ADGB: variants seen among roughly 807,000 people sequenced by gnomAD.
ADGB encodes calpain-7-like protein.
In ADGB, 172 loss-of-function variants were observed where a neutral mutation model predicts 210.5. The ratio of observed to expected loss-of-function variants is 0.82; its 90% CI spans 0.72 to 0.93. The LOEUF (loss-of-function observed/expected upper bound fraction) is 0.93, where lower values mean the gene tolerates loss of function less well. Among genes scored for constraint, ADGB ranks in the 40% least tolerant of loss-of-function variants. The probability of loss-of-function intolerance (pLI) is 0.00; values close to 1 mark genes in which losing one functional copy is unlikely to be tolerated. For synonymous variants in ADGB, 658 were observed against 662.7 expected (o/e 0.99, Z 0.11); for missense variants, 2,025 against 1,964.8 (o/e 1.03, Z -0.58).
At position 146,709,181 on chromosome 6, in the gene ADGB, C is replaced by G. The variant is rs1260236767; in HGVS notation, c.1708-6201C>G. On this transcript the variant is annotated intron_variant, in intron 13 of 35. Coordinates refer to ENST00000397944, the MANE Select transcript of ADGB (RefSeq NM_024694.4). Reference sequence around the variant, plus strand: ...GTTCACTGAGTTTCCTTAAAACAATCATTTCACATTCTTTGTCAGGCAGAT... The same window carrying G: ...GTTCACTGAGTTTCCTTAAAACAATGATTTCACATTCTTTGTCAGGCAGAT... Among the ~76,000 whole-genome samples, 13 of 152,286 alleles carry G rather than the reference C, an allele frequency of 8.5e-5. 1 individual carries two copies. The East Asian group carries it at 2.5e-3, about 29-fold the overall frequency.
intron 13 of ADGB, among the ~76,000 whole-genome samples, chr6:146,708,803 C>T (rs1426425729): frequency 6.6e-6 from 1 of 152,050 alleles, no homozygotes; most frequent in African/African-American, 2.4e-5. Context: ...AGTTTCTACT[C>T]CTTTGTCTCT....
At chr6:146,611,752 C>T (rs774957493) in intron 1 of ADGB, among the ~76,000 whole-genome samples, 6 of 152,002 alleles carry the variant, frequency 3.9e-5, no homozygotes, top group Non-Finnish European at 5.9e-5. Context: ...CTTGGGCAAA[C>T]CTTTTCCTGA....
At chr6:146,647,153 A>G (rs1024321581) in intron 3 of ADGB, among the ~76,000 whole-genome samples, 14 of 151,564 alleles carry the variant, frequency 9.2e-5, no homozygotes, top group Non-Finnish European at 1.9e-4. Flanking sequence ...AAACAAACAA[A>G]CAAAAAAAAC....
chr6:146,750,752 C>T (rs1159284133), intron 26 of ADGB, among the ~76,000 whole-genome samples: 1 of 152,050 alleles, frequency 6.6e-6, no homozygotes, highest in Admixed American at 6.6e-5. Context: ...TGCATGTTTC[C>T]AGTCTTTTTG....
chr6:146,734,077 T>A (rs1777044126), intron 22 of ADGB, 47 bp downstream of exon 22: 2 of 1,523,650 alleles, frequency 1.3e-6, no homozygotes, highest in East Asian at 4.9e-5. Context: ...TGTATAAGAA[T>A]AAATATTTAT....
At chr6:146,690,049 C>G (rs1207058765) in intron 10 of ADGB, among the ~76,000 whole-genome samples, 1 of 152,022 alleles carries the variant, frequency 6.6e-6, no homozygotes, top group Non-Finnish European at 1.5e-5. Context: ...TATTTTAAGC[C>G]ACTGCTGGAC....
At chr6:146,628,440 T>G (rs1037951007) in intron 1 of ADGB, among the ~76,000 whole-genome samples, 6 of 152,166 alleles carry the variant, frequency 3.9e-5, no homozygotes, top group Non-Finnish European at 8.8e-5. Context: ...TATCTAAGAA[T>G]AAAATGTTTA....
At chr6:146,686,736 A>G (rs1583589859) in intron 10 of ADGB, among the ~76,000 whole-genome samples, 2 of 152,114 alleles carry the variant, frequency 1.3e-5, no homozygotes, top group African/African-American at 4.8e-5. Context: ...TTGAATCCCA[A>G]TTCTGTTTGG....
chr6:146,691,220 A>T lies in ADGB; in HGVS notation c.1416A>T (p.Lys472Asn), dbSNP rs921280219. The T allele has an allele frequency of 1.9e-6, 3 of 1,549,032 alleles. No individual in the cohort carries two copies. The highest frequency in any genetic ancestry group is 2.6e-6 in the Non-Finnish European group (3 of 1,146,332). ...CTTGTCCTCTGGTAGCACCACCAAA[A>T]CCACCTCCTCTACCTCCCTGGAAAC... is the stretch of plus-strand genomic sequence containing the variant. ...SRSCPLVAPP[K>N]PPPLPPWKLI... Residue 472 changes from lysine (K) to asparagine (N), a missense_variant, in exon 11 of 36, where the codon AAA (lysine) becomes AAT (asparagine). Transcript: ENST00000397944.
chr6:146,662,988 A>C (rs539359707), intron 5 of ADGB, among the ~76,000 whole-genome samples: 61 of 146,250 alleles, frequency 4.2e-4, no homozygotes, highest in African/African-American at 1.4e-3. Context: ...TGTATATAAT[A>C]TATATCTTAA....
At chr6:146,736,471 G>GT in intron 22 of ADGB, 27 bp from the exon 23 acceptor site, 2 of 1,403,562 alleles carry the variant, frequency 1.4e-6, no homozygotes, top group Non-Finnish European at 1.9e-6. Context: ...AAAGCTTAAC[G>GT]TTTTTATTAT....
At position 146,635,339 on chromosome 6, in the gene ADGB, T is replaced by A. The variant is rs201028555; in HGVS notation, c.75-36T>A. On this transcript the variant is annotated intron_variant, in intron 1 of 35. Coordinates refer to ENST00000397944, the MANE Select transcript of ADGB (RefSeq NM_024694.4). Reference sequence around the variant, plus strand: ...CAATATTTGATCTCAGAGATTTTAATTAAACCTAACCCACCCACTCTCTGT... The same window carrying A: ...CAATATTTGATCTCAGAGATTTTAAATAAACCTAACCCACCCACTCTCTGT... 1.0e-5 allele frequency: 14 copies of A among 1,367,660 alleles called. No homozygotes were observed. In the Admixed American group the frequency reaches 1.0e-4, roughly 10 times the overall value. The allele number at this position is 1,367,660 out of a possible 1,614,324, so 84.7% of individuals were successfully genotyped here.
chr6:146,665,622 C>T (rs1583580888), intron 6 of ADGB, among the ~76,000 whole-genome samples: 1 of 152,034 alleles, frequency 6.6e-6, no homozygotes, highest in Non-Finnish European at 1.5e-5. Flanking sequence ...TTTCTTAAAG[C>T]TGTAGTTCAG....
intron 13 of ADGB, among the ~76,000 whole-genome samples, chr6:146,712,970 A>G (rs551585949): frequency 6.6e-6 from 1 of 151,164 alleles, no homozygotes; most frequent in East Asian, 1.9e-4. Flanking sequence ...AACTTTGACT[A>G]TTCTGGGTAC....
Position 146,672,343 on chromosome 6 carries a change from G to T in ADGB, c.963G>T (p.Gly321=). ...TAGATTCTAAATTAAAAGAACCAGG[G>T]AAAGAAGGGAAGGAGGGAAAAGAAA... ...AVLDSKLKEP[G]KEGKEGKEIK... The change falls in exon 8 of 36, where the codon GGG becomes GGT. Residue 321 remains glycine (G), a synonymous_variant. Transcript: ENST00000397944. 1 of 1,551,356 alleles carries T rather than the reference G, an allele frequency of 6.4e-7. No individual in the cohort carries two copies. The highest frequency in any genetic ancestry group is 8.7e-7 in the Non-Finnish European group (1 of 1,146,786).
intron 12 of ADGB, 22 bp downstream of exon 12, chr6:146,692,937 C>A: frequency 1.5e-6 from 2 of 1,294,750 alleles, no homozygotes; most frequent in South Asian, 1.3e-5. Context: ...CATTCTTCCT[C>A]ACAAATGTGT....
At chr6:146,781,900 T>C (rs1360747341) in intron 29 of ADGB, 120 bp from the exon 30 acceptor site, 1 of 697,932 alleles carries the variant, frequency 1.4e-6, no homozygotes, top group East Asian at 3.3e-5. Context: ...ATCTGTGTGA[T>C]TGAAAAAATA....
chr6:146,809,799 A>G (rs1778276816), intron 35 of ADGB, among the ~76,000 whole-genome samples: 1 of 152,222 alleles, frequency 6.6e-6, no homozygotes, highest in Admixed American at 6.5e-5. Context: ...CCTATGCTAT[A>G]CAAAAAAATT....
At chr6:146,775,944 C>T (rs1371355468) in intron 29 of ADGB, among the ~76,000 whole-genome samples, 1 of 151,806 alleles carries the variant, frequency 6.6e-6, no homozygotes, top group Non-Finnish European at 1.5e-5. Context: ...AAATTCCAAC[C>T]TGATTTTATT....
Sources: gnomAD v4.1 joint callset for allele counts (sites outside exome capture counted in the v4.1 genomes callset) on GRCh38, gnomAD v4.1.1 for gene constraint, MANE v1.5 for transcripts, NCBI Gene and HGNC (gene_info 2026-07-23, HGNC 2026-07-21) for gene names.